TOGARAM2: variants seen among roughly 807,000 people sequenced by gnomAD.
TOGARAM2 encodes the protein TOG array regulator of axonemal microtubules 2, also known as TOG array regulator of axonemal microtubules protein 2.
In TOGARAM2, 85 loss-of-function variants were observed where a neutral mutation model predicts 93.3. The observed-to-expected ratio is 0.91, with a 90% confidence interval of 0.76 to 1.09. TOGARAM2 has a LOEUF of 1.09. Ranked by LOEUF, TOGARAM2 falls within the 50% of genes least tolerant of loss-of-function variation. The pLI is 0.00. For synonymous variants in TOGARAM2, 593 were observed against 552.8 expected, an observed-to-expected ratio of 1.07 and a Z score of -1.02; for missense variants, 1,277 against 1,334.5, an observed-to-expected ratio of 0.96 and a Z score of 0.67.
intron 1 of TOGARAM2, among the ~76,000 whole-genome samples, chr2:28,990,028 T>C (rs943412081): frequency 2.6e-5 from 4 of 152,000 alleles, no homozygotes; most frequent in Non-Finnish European, 2.9e-5. Flanking sequence ...ACATCCAGAG[T>C]CCTCCCTGCA....
chr2:28,998,153 G>C lies in TOGARAM2; in HGVS notation c.39G>C (p.Leu13=), dbSNP rs1254655596. 1.2e-6 allele frequency: 2 copies of C among 1,606,106 alleles called. No homozygotes were observed. The highest frequency in any genetic ancestry group is 2.2e-5 in the South Asian group (2 of 89,130). ...TRDDVPEAKV[L]VPVAVYCGSI... Reference sequence around the variant, plus strand: ...TGCTTCTGTCTCCAGCCAAGGTCCTGGTCCCCGTGGCCGTGTACTGCGGGA... The same window carrying C: ...TGCTTCTGTCTCCAGCCAAGGTCCTCGTCCCCGTGGCCGTGTACTGCGGGA... Residue 13 remains leucine, a synonymous_variant, in exon 3 of 20, where the codon CTG becomes CTC. Transcript: ENST00000379558.
intron 1 of TOGARAM2, among the ~76,000 whole-genome samples, chr2:28,994,508 T>C (rs935543243): frequency 2.0e-5 from 3 of 152,208 alleles, no homozygotes; most frequent in African/African-American, 7.2e-5. Context: ...ATGGGTTTTG[T>C]TGACACTCTT....
At chr2:28,963,407 T>C (rs994828629) in intron 1 of TOGARAM2, among the ~76,000 whole-genome samples, 2 of 152,194 alleles carry the variant, frequency 1.3e-5, no homozygotes, top group African/African-American at 4.8e-5. Context: ...GAGGTCTTGC[T>C]CTGTCAACCC....
In TOGARAM2 at chr2:29,043,146, G is replaced by A. The variant is rs73922953; in HGVS notation, c.2636-2178G>A. Among the ~76,000 whole-genome samples, 836 of 152,226 alleles carry A rather than the reference G, an allele frequency of 5.5e-3. 11 individuals carry two copies. The highest frequency in any genetic ancestry group is 0.019 in the African/African-American group (800 of 41,520). ...ATTCATATGAAAATCTATTCTTAAC[G>A]CAATTGACAGCTTTACCAATGCACC... On this transcript the variant is annotated intron_variant, in intron 18 of 19. Coordinates refer to ENST00000379558, the MANE Select transcript of TOGARAM2 (RefSeq NM_199280.4).
chr2:29,016,064 A>G (rs936257694), intron 8 of TOGARAM2, among the ~76,000 whole-genome samples: 4 of 152,028 alleles, frequency 2.6e-5, no homozygotes, highest in Non-Finnish European at 5.9e-5. Flanking sequence ...TATACTTCCA[A>G]CTGACTGTGT....
intron 1 of TOGARAM2, among the ~76,000 whole-genome samples, chr2:28,991,015 TG>T (rs1672704464): frequency 1.3e-5 from 2 of 150,572 alleles, no homozygotes; most frequent in South Asian, 2.1e-4. Context: ...TGTGTGTGTG[TG>T]TGTGTGTGTG....
At chr2:28,992,554 C>T (rs1438127878) in intron 1 of TOGARAM2, among the ~76,000 whole-genome samples, 4 of 152,172 alleles carry the variant, frequency 2.6e-5, no homozygotes, top group African/African-American at 9.7e-5. Flanking sequence ...AGAAGGCCCA[C>T]TGCAGTAGGG....
chr2:29,023,579 A>G (rs1665117652), intron 12 of TOGARAM2, among the ~76,000 whole-genome samples: 1 of 152,174 alleles, frequency 6.6e-6, no homozygotes, highest in African/African-American at 2.4e-5. Flanking sequence ...CCAGAGAGGC[A>G]GGAGGCTACA....
chr2:29,004,424 G>A (rs189309914), intron 6 of TOGARAM2, among the ~76,000 whole-genome samples: 1 of 152,334 alleles, frequency 6.6e-6, no homozygotes, highest in African/African-American at 2.4e-5. Context: ...ACTTGAAAAG[G>A]GGTCTTCATA....
intron 1 of TOGARAM2, among the ~76,000 whole-genome samples, chr2:28,961,981 G>A (rs898223684): frequency 2.6e-5 from 4 of 152,016 alleles, no homozygotes; most frequent in African/African-American, 4.8e-5. Flanking sequence ...TTTTACAGTA[G>A]TGACATTTAT....
At chr2:28,977,405 C>G (rs970070684), upstream of TOGARAM2, among the ~76,000 whole-genome samples, 1 of 152,126 alleles carries the variant, frequency 6.6e-6, no homozygotes, top group Non-Finnish European at 1.5e-5. Context: ...TGACCTCCAG[C>G]TAGGCCTGGG....
intron 1 of TOGARAM2, among the ~76,000 whole-genome samples, chr2:28,975,609 AT>A (rs1672016630): frequency 6.6e-6 from 1 of 152,186 alleles, no homozygotes; most frequent in Non-Finnish European, 1.5e-5. Context: ...AATCTGTGTC[AT>A]CTGGGCGCTG....
At chr2:28,981,739 G>A (rs1433237889) in intron 1 of TOGARAM2, among the ~76,000 whole-genome samples, 3 of 152,250 alleles carry the variant, frequency 2.0e-5, no homozygotes, top group Non-Finnish European at 4.4e-5. Context: ...GGGCCTTCAT[G>A]TGGCAGCTCT....
At chr2:29,010,566 G>C (rs72788122) in intron 6 of TOGARAM2, among the ~76,000 whole-genome samples, 11,455 of 152,154 alleles carry the variant, frequency 0.075, 513 homozygotes, top group African/African-American at 0.12. Flanking sequence ...GCCCGGCCTG[G>C]ACTGTGATCC....
intron 8 of TOGARAM2, among the ~76,000 whole-genome samples, 157 bp downstream of exon 8, chr2:29,014,718 G>A (rs912669046): frequency 1.3e-5 from 2 of 152,128 alleles, no homozygotes; most frequent in African/African-American, 4.8e-5. Flanking sequence ...GCCAGAACCT[G>A]CAGACGGGGT....
chr2:28,961,430 C>T (rs1340894601), intron 1 of TOGARAM2, among the ~76,000 whole-genome samples: 1 of 152,140 alleles, frequency 6.6e-6, no homozygotes, highest in Non-Finnish European at 1.5e-5. Flanking sequence ...CAACCTCCGC[C>T]TCCTAGATTC....
At chr2:29,008,005 G>A (rs1169089179) in intron 6 of TOGARAM2, among the ~76,000 whole-genome samples, 1 of 151,626 alleles carries the variant, frequency 6.6e-6, no homozygotes, top group Admixed American at 6.6e-5. Context: ...GGCAAGGAGG[G>A]GAAGTGGTCT....
intron 13 of TOGARAM2, among the ~76,000 whole-genome samples, chr2:29,026,088 T>C (rs1267462619): frequency 1.3e-5 from 2 of 152,112 alleles, no homozygotes; most frequent in Non-Finnish European, 2.9e-5. Flanking sequence ...TCAGCTCTAG[T>C]CCCATCCCTT....
chr2:28,985,254 A>G (rs1280945699), intron 1 of TOGARAM2, among the ~76,000 whole-genome samples: 1 of 152,070 alleles, frequency 6.6e-6, no homozygotes, highest in African/African-American at 2.4e-5. Context: ...GCAATCCAGG[A>G]AGTGAGTCCT....
Sources: allele counts gnomAD v4.1 joint callset (sites outside exome capture counted in the v4.1 genomes callset), GRCh38; gene constraint gnomAD v4.1.1; transcripts MANE v1.5; gene names NCBI Gene and HGNC (gene_info 2026-07-23, HGNC 2026-07-21).